Variants in SLC16A7 observed in about 807,000 individuals in gnomAD.
The protein encoded by SLC16A7 is solute carrier family 16 member 7.
A neutral mutation model predicts 34.9 loss-of-function variants in SLC16A7; 33 were observed. The observed-to-expected ratio is 0.94, with a 90% confidence interval of 0.72 to 1.26. The LOEUF (loss-of-function observed/expected upper bound fraction) is 1.26. Among genes scored for constraint, SLC16A7 ranks in the 50% most tolerant of loss-of-function variants. The pLI, the probability that SLC16A7 is intolerant of heterozygous loss-of-function variation, is 0.00. For synonymous variants in SLC16A7, 201 were observed against 206.6 expected (o/e 0.97, Z 0.23); for missense variants, 573 against 578.1 (o/e 0.99, Z 0.09).
At chr12:59,660,323 T>C in intron 2 of SLC16A7, among the ~76,000 whole-genome samples, 1 of 151,982 alleles carries the variant, frequency 6.6e-6, no homozygotes. Flanking sequence ...CAAGAAAGTC[T>C]AGTCCCCATG....
At chr12:59,674,470 G>A (rs1266128660) in intron 2 of SLC16A7, among the ~76,000 whole-genome samples, 1 of 152,148 alleles carries the variant, frequency 6.6e-6, no homozygotes. Flanking sequence ...ATATCACTAG[G>A]TTCAAGGAGC....
chr12:59,646,231 C>T (rs897056563), intron 1 of SLC16A7, among the ~76,000 whole-genome samples: 2 of 152,162 alleles, frequency 1.3e-5, no homozygotes, highest in Non-Finnish European at 2.9e-5. Context: ...CAGCCCCTTC[C>T]GTCACAGGCT....
At position 59,731,172 on chromosome 12, in the gene SLC16A7, T is replaced by C. The variant is rs1184484032; in HGVS notation, c.217+26154T>C. On this transcript the variant is annotated intron_variant, in intron 3 of 5. Transcript: ENST00000547379. ...TAAATATGTATATACTTTTTAACTT[T>C]ATTCAAATGTTTGTTCAAAATTTAT... is the stretch of plus-strand genomic sequence containing the variant. Among the ~76,000 whole-genome samples the C allele has an allele frequency of 3.3e-5, 5 of 152,324 alleles. No homozygotes were observed. The East Asian group carries it at 9.6e-4, about 29-fold the overall frequency.
intron 3 of SLC16A7, among the ~76,000 whole-genome samples, chr12:59,758,355 T>C (rs750950488): frequency 7.2e-5 from 11 of 152,132 alleles, no homozygotes; most frequent in Non-Finnish European, 1.6e-4. Context: ...AGATACTGTA[T>C]TTTCTCATAT....
rs1257663600 is a variant in SLC16A7 at position 59,766,049 on chromosome 12, A to T, written c.218-5170A>T. On this transcript the variant is annotated intron_variant, in intron 3 of 5. Transcript: ENST00000547379. Reference sequence around the variant, plus strand: ...AGTTCTCCTTGAAGAGGTCCTTCTCATCCCTTGTAAGTTGGATTCCTAGGT... The same window carrying T: ...AGTTCTCCTTGAAGAGGTCCTTCTCTTCCCTTGTAAGTTGGATTCCTAGGT... 3.3e-5 allele frequency among the ~76,000 whole-genome samples: 5 copies of T among 152,132 alleles called. No individual in the cohort carries two copies. The South Asian group carries it at 1.0e-3, about 32-fold the overall frequency.
At chr12:59,719,243 C>T (rs1475366020) in intron 3 of SLC16A7, among the ~76,000 whole-genome samples, 1 of 152,056 alleles carries the variant, frequency 6.6e-6, no homozygotes. Flanking sequence ...ACAGACAATA[C>T]CTGTTCTAGT....
chr12:59,779,394 C>T, intron 5 of SLC16A7, 29 bp from the exon 6 acceptor site: 8 of 1,509,548 alleles, frequency 5.3e-6, no homozygotes, highest in South Asian at 3.8e-5. Context: ...TTTATTATGC[C>T]AACTTAAAAG....
At chr12:59,741,168 A>G (rs1476751403) in intron 3 of SLC16A7, among the ~76,000 whole-genome samples, 1 of 152,156 alleles carries the variant, frequency 6.6e-6, no homozygotes, top group Non-Finnish European at 1.5e-5. Flanking sequence ...TGCCATCCCC[A>G]TCAAGCTACC....
chr12:59,723,821 G>T (rs181775467), intron 3 of SLC16A7, among the ~76,000 whole-genome samples: 1 of 151,774 alleles, frequency 6.6e-6, no homozygotes, highest in South Asian at 2.1e-4. Context: ...AAAACAATAC[G>T]TATTTGTTTT....
intron 3 of SLC16A7, chr12:59,720,317 C>A: frequency 2.0e-6 from 1 of 501,586 alleles, no homozygotes. Flanking sequence ...GGTTTTTAGT[C>A]TTGTGAGACC....
chr12:59,733,501 A>G (rs1283002334), intron 3 of SLC16A7, among the ~76,000 whole-genome samples: 1 of 152,136 alleles, frequency 6.6e-6, no homozygotes, highest in African/African-American at 2.4e-5. Flanking sequence ...AACGGCTTCT[A>G]CTGTGGGCAC....
In SLC16A7 at chr12:59,783,526, T is replaced by C. The variant is rs1883393065; in HGVS notation, c.*3847T>C. The stretch of plus-strand genomic sequence containing the variant: ...GAAGCAAAGGAAGATAAAATATAGG[T>C]ACAAAAAAGATACATCCTATATAGT... On this transcript the variant is annotated 3_prime_UTR_variant, in exon 6 of 6. Transcript: ENST00000547379. 6.6e-6 allele frequency: 1 copy of C among 152,108 alleles called. No homozygotes were observed. Among genetic ancestry groups the C allele is most frequent in the South Asian group, 2.1e-4 (1 of 4,836 alleles). 9.4% of individuals were successfully genotyped at this position (152,108 alleles called of 1,614,324 possible).
intron 5 of SLC16A7, among the ~76,000 whole-genome samples, chr12:59,778,145 G>A (rs1882945774): frequency 6.6e-6 from 1 of 152,040 alleles, no homozygotes; most frequent in Admixed American, 6.6e-5. Context: ...TGCTGATGTG[G>A]CAGCCCAAAG....
At chr12:59,753,477 T>G (rs918134714) in intron 3 of SLC16A7, among the ~76,000 whole-genome samples, 9 of 152,014 alleles carry the variant, frequency 5.9e-5, no homozygotes, top group African/African-American at 2.2e-4. Context: ...TAAAACAGAC[T>G]TTAAACCAAC....
intron 3 of SLC16A7, chr12:59,733,884 A>C: frequency 1.3e-5 from 6 of 452,748 alleles, no homozygotes; most frequent in South Asian, 9.4e-5. Flanking sequence ...AGGAGACCCA[A>C]AGTGGGTATC....
Position 59,677,958 on chromosome 12 carries a change from C to T in SLC16A7, c.-31+22708C>T, listed in dbSNP as rs145627623. On this transcript the variant is annotated intron_variant, in intron 2 of 5. Coordinates refer to ENST00000547379, the MANE Select transcript of SLC16A7 (RefSeq NM_001270623.2). ...AGTTTTTACTTGAGCCTGGTGGACT[C>T]GTTCCACCCGCTTGCCCTGGCAGGC... 2.5e-3 allele frequency among the ~76,000 whole-genome samples: 382 copies of T among 152,308 alleles called. 1 individual carries two copies. The highest frequency in any genetic ancestry group is 8.7e-3 in the African/African-American group (362 of 41,568).
intron 3 of SLC16A7, among the ~76,000 whole-genome samples, chr12:59,721,185 A>G (rs1273206489): frequency 6.6e-6 from 1 of 151,966 alleles, no homozygotes; most frequent in African/African-American, 2.4e-5. Flanking sequence ...TTTAATCCAT[A>G]TTCCCCAAAG....
chr12:59,690,766 G>A (rs1871553625), intron 2 of SLC16A7, among the ~76,000 whole-genome samples: 1 of 151,888 alleles, frequency 6.6e-6, no homozygotes, highest in African/African-American at 2.4e-5. Context: ...TCCTGTGTCT[G>A]CTGGTTCTCA....
At chr12:59,741,071 G>C (rs1358817280) in intron 3 of SLC16A7, among the ~76,000 whole-genome samples, 2 of 152,040 alleles carry the variant, frequency 1.3e-5, no homozygotes, top group African/African-American at 2.4e-5. Context: ...AGGATACAAA[G>C]AAATGGAAGA....
Sources: gnomAD v4.1 joint callset for allele counts (sites outside exome capture counted in the v4.1 genomes callset) on GRCh38, gnomAD v4.1.1 for gene constraint, MANE v1.5 for transcripts, NCBI Gene and HGNC (gene_info 2026-07-23, HGNC 2026-07-21) for gene names.